Variants in STIM2 observed in about 807,000 individuals in gnomAD.
The protein encoded by STIM2 is stromal interaction molecule 2.
In STIM2, 31 loss-of-function variants were observed where a neutral mutation model predicts 85.8. The ratio of observed to expected loss-of-function variants is 0.36; its 90% CI spans 0.27 to 0.49. The LOEUF (loss-of-function observed/expected upper bound fraction) is 0.49. Among genes scored for constraint, STIM2 ranks in the 20% least tolerant of loss-of-function variants. The pLI, the probability that STIM2 is intolerant of heterozygous loss-of-function variation, is 0.98. For missense variants in STIM2, 841 were observed against 927.6 expected (o/e 0.91, Z 1.21); for synonymous variants, 356 against 331.1 (o/e 1.08, Z -0.82).
chr4:26,881,959 A>G (rs758178457), intron 1 of STIM2, among the ~76,000 whole-genome samples: 5 of 152,192 alleles, frequency 3.3e-5, no homozygotes, highest in Admixed American at 6.5e-5. Flanking sequence ...AAAAATATCT[A>G]TTTGTATGTA....
At chr4:26,873,927 A>G (rs2109030774) in intron 1 of STIM2, 1 of 1,354,946 alleles carries the variant, frequency 7.4e-7, no homozygotes, top group East Asian at 2.4e-5. Flanking sequence ...GCGCCTCCAG[A>G]CAGCTGGGTG....
chr4:26,972,600 G>A lies in STIM2; in HGVS notation c.397+14874G>A, dbSNP rs185250770. 7.3e-3 allele frequency among the ~76,000 whole-genome samples: 1,107 copies of A among 152,258 alleles called. 9 individuals are homozygous for A. The highest frequency in any genetic ancestry group is 8.7e-3 in the Non-Finnish European group (594 of 67,996). On this transcript the variant is annotated intron_variant, in intron 3 of 11. Coordinates refer to ENST00000467087, the MANE Select transcript of STIM2 (RefSeq NM_020860.4). ...TCTGAGGGATGAAGCTGACTTGATT[G>A]TGGTGGATAAGCTTTTTGATGTGCT...
chr4:26,967,746 T>C (rs1726777011), intron 3 of STIM2, among the ~76,000 whole-genome samples: 1 of 152,246 alleles, frequency 6.6e-6, no homozygotes, highest in South Asian at 2.1e-4. Flanking sequence ...TCCAGCGACA[T>C]CTTTCATCTT....
rs201502291 is a variant in STIM2, at chr4:26,883,038, G to A, written c.151+21669G>A. Among the ~76,000 whole-genome samples the A allele has an allele frequency of 8.8e-5, 13 of 147,914 alleles. No homozygotes were observed. The East Asian group carries it at 2.2e-3, about 25-fold the overall frequency. ...TTTTTTTTGTATTTTTAGTAGAGACGGGGTTTCACCATATTGGCCAGGCTT... is the reference window on the plus strand; with the variant it reads ...TTTTTTTTGTATTTTTAGTAGAGACAGGGTTTCACCATATTGGCCAGGCTT... On this transcript the variant is annotated intron_variant, in intron 1 of 11. Transcript: ENST00000467087.
chr4:26,967,028 A>G (rs1390519355), intron 3 of STIM2, among the ~76,000 whole-genome samples: 2 of 152,194 alleles, frequency 1.3e-5, no homozygotes, highest in Non-Finnish European at 2.9e-5. Flanking sequence ...ATAATAGACC[A>G]TTTAGATACT....
Position 27,007,662 on chromosome 4 carries a change from CAA to C in STIM2, c.1114_1115del (p.Asn372ArgfsTer2). The C allele has an allele frequency of 1.3e-6, 2 of 1,587,028 alleles. No individual in the cohort carries two copies. Among genetic ancestry groups the C allele is most frequent in the Non-Finnish European group, 1.7e-6 (2 of 1,169,918 alleles). ...AGTGCAATACTACAATATTAAAAGA[CAA>C]AACGCTGAAATGCAGCTAGCTATTG... On this transcript the variant is annotated frameshift_variant, in exon 8 of 12. Transcript: ENST00000467087. LOFTEE classifies it high-confidence loss of function.
At chr4:26,987,149 C>T (rs574823430) in intron 3 of STIM2, among the ~76,000 whole-genome samples, 8 of 152,168 alleles carry the variant, frequency 5.3e-5, no homozygotes, top group Admixed American at 2.0e-4. Context: ...GTGGCCACAG[C>T]CAGTTGCTTT....
intron 3 of STIM2, among the ~76,000 whole-genome samples, chr4:26,960,918 A>G (rs1306110612): frequency 3.3e-5 from 5 of 151,812 alleles, no homozygotes; most frequent in East Asian, 1.9e-4. Context: ...ACAAAAATTA[A>G]CTAGGCTTGT....
Position 26,960,672 on chromosome 4 carries a change from T to C in STIM2, c.397+2946T>C, listed in dbSNP as rs903723654. Among the ~76,000 whole-genome samples, 5 of 152,224 alleles carry C rather than the reference T, an allele frequency of 3.3e-5. No homozygotes were observed. In the South Asian group the frequency reaches 1.0e-3, roughly 31 times the overall value. ...TAAAAACTTAACGTTTTTTAAAATTTTGGACTTAAAAATGACAGTTTATGG... is the reference window on the plus strand; with the variant it reads ...TAAAAACTTAACGTTTTTTAAAATTCTGGACTTAAAAATGACAGTTTATGG... On this transcript the variant is annotated intron_variant, in intron 3 of 11. Coordinates refer to ENST00000467087, the MANE Select transcript of STIM2 (RefSeq NM_020860.4).
intron 10 of STIM2, among the ~76,000 whole-genome samples, chr4:27,009,831 A>T (rs763858449): frequency 2.0e-5 from 3 of 152,202 alleles, no homozygotes; most frequent in Non-Finnish European, 4.4e-5. Flanking sequence ...AAGCTTGCCA[A>T]ATGCAACACT....
chr4:27,018,697 T>C (rs140843617), intron 11 of STIM2, among the ~76,000 whole-genome samples: 443 of 152,324 alleles, frequency 2.9e-3, no homozygotes, highest in African/African-American at 0.01. Context: ...AGGTAGATAT[T>C]TTGAGATGTA....
At chr4:26,955,446 T>C (rs1475719914) in intron 2 of STIM2, among the ~76,000 whole-genome samples, 2 of 148,222 alleles carry the variant, frequency 1.3e-5, no homozygotes. Context: ...CCCTGCTATG[T>C]CCATTATTAT....
In STIM2 at chr4:26,861,254, G is replaced by A. The variant is rs865932451; in HGVS notation, c.36G>A (p.Ala12=). The change falls in exon 1 of 12, where the codon GCG becomes GCA. Residue 12 remains alanine (A), a synonymous_variant. Coordinates refer to ENST00000467087, the MANE Select transcript of STIM2 (RefSeq NM_020860.4). ...TCGGGCTGCTGGTAGCCGGAGCGGC[G>A]GACGGATGCGAGCTTGTGCCCCGGC... 6.7e-7 allele frequency: 1 copy of A among 1,482,972 alleles called. No individual in the cohort carries two copies. Among genetic ancestry groups the A allele is most frequent in the Non-Finnish European group, 8.9e-7 (1 of 1,123,310 alleles). The allele number at this position is 1,482,972 out of a possible 1,614,324, so 91.9% of individuals were successfully genotyped here. A position where few individuals can be genotyped will look rare whatever the true frequency, so the allele number is the denominator to read the frequency against.
chr4:26,967,770 A>G (rs1239912343), intron 3 of STIM2, among the ~76,000 whole-genome samples: 1 of 151,910 alleles, frequency 6.6e-6, no homozygotes. Flanking sequence ...TTCTCTTTGC[A>G]TTGTATGCAT....
intron 3 of STIM2, among the ~76,000 whole-genome samples, chr4:26,979,871 T>A (rs1727317486): frequency 2.0e-5 from 3 of 152,204 alleles, no homozygotes. Context: ...ATGAAAGATT[T>A]GGTAGTATGT....
intron 5 of STIM2, among the ~76,000 whole-genome samples, chr4:26,999,669 C>T (rs1389042826): frequency 6.6e-6 from 1 of 152,026 alleles, no homozygotes; most frequent in Non-Finnish European, 1.5e-5. Context: ...ATTGGATATT[C>T]ACTGAGGAAT....
At chr4:26,975,521 A>G (rs185781650) in intron 3 of STIM2, among the ~76,000 whole-genome samples, 60 of 152,336 alleles carry the variant, frequency 3.9e-4, no homozygotes, top group African/African-American at 1.3e-3. Flanking sequence ...AGTTTGCTGC[A>G]GTTCCATTCC....
At chr4:27,001,860 G>C (rs1728167865) in intron 5 of STIM2, among the ~76,000 whole-genome samples, 1 of 152,212 alleles carries the variant, frequency 6.6e-6, no homozygotes, top group African/African-American at 2.4e-5. Context: ...GATGATGGTG[G>C]TGATACTTTT....
intron 1 of STIM2, among the ~76,000 whole-genome samples, chr4:26,889,812 T>G (rs1009532618): frequency 2.0e-5 from 3 of 152,216 alleles, no homozygotes; most frequent in African/African-American, 7.2e-5. Context: ...TCTATCTACT[T>G]GATTATTAAA....
Sources: gnomAD v4.1 joint callset for allele counts (sites outside exome capture counted in the v4.1 genomes callset) on GRCh38, gnomAD v4.1.1 for gene constraint, MANE v1.5 for transcripts, NCBI Gene and HGNC (gene_info 2026-07-23, HGNC 2026-07-21) for gene names.